The following SPECC1 variants were observed in gnomAD, a reference collection of about 807,000 sequenced individuals.
SPECC1 encodes cytospin-B.
A neutral mutation model predicts 104.1 loss-of-function variants in SPECC1; 62 were observed. The ratio of observed to expected loss-of-function variants is 0.60; its 90% CI spans 0.49 to 0.74. The LOEUF is 0.74. SPECC1 is among the 30% of genes least tolerant of loss of function. SPECC1 has a pLI of 0.00. For synonymous variants in SPECC1, 513 were observed against 501.6 expected, an observed-to-expected ratio of 1.02 and a Z score of -0.30; for missense variants, 1,306 against 1,310.5, an observed-to-expected ratio of 1.00 and a Z score of 0.05.
At chr17:20,020,107 A>G (rs1182160879) in intron 1 of SPECC1, among the ~76,000 whole-genome samples, 1 of 152,142 alleles carries the variant, frequency 6.6e-6, no homozygotes, top group African/African-American at 2.4e-5. Context: ...CATGCAGCTG[A>G]TTTTTATTCT....
chr17:20,223,687 A>T (rs1598021824), intron 4 of SPECC1, among the ~76,000 whole-genome samples: 1 of 151,980 alleles, frequency 6.6e-6, no homozygotes, highest in African/African-American at 2.4e-5. Flanking sequence ...AAAAAAAAAA[A>T]TTATTTCAAT....
chr17:20,197,898 A>G (rs2036143413), intron 3 of SPECC1, among the ~76,000 whole-genome samples: 1 of 152,114 alleles, frequency 6.6e-6, no homozygotes. Context: ...TTTTTGCATT[A>G]ATCAAAACAT....
chr17:20,030,913 T>C (rs1048747243), intron 1 of SPECC1, among the ~76,000 whole-genome samples: 2 of 152,226 alleles, frequency 1.3e-5, no homozygotes, highest in African/African-American at 2.4e-5. Flanking sequence ...TGTGCTCTCA[T>C]GAGCCTTGGT....
chr17:20,264,223 C>CATAT (rs1256118687), intron 12 of SPECC1, among the ~76,000 whole-genome samples: 2 of 151,882 alleles, frequency 1.3e-5, no homozygotes, highest in African/African-American at 4.8e-5. Flanking sequence ...TACATCCCTC[C>CATAT]ATATATATAT....
At chr17:20,032,398 A>G (rs2044852462) in intron 1 of SPECC1, among the ~76,000 whole-genome samples, 1 of 133,032 alleles carries the variant, frequency 7.5e-6, no homozygotes, top group Non-Finnish European at 1.5e-5. Flanking sequence ...CAGTATGCAT[A>G]TGTTAATGTG....
chr17:20,182,767 A>G (rs954254658), intron 3 of SPECC1, among the ~76,000 whole-genome samples: 1 of 152,192 alleles, frequency 6.6e-6, no homozygotes, highest in East Asian at 1.9e-4. Context: ...AAAGGGGTGA[A>G]GAAAGAGAGA....
intron 3 of SPECC1, among the ~76,000 whole-genome samples, chr17:20,160,731 G>A (rs551710522): frequency 5.3e-5 from 8 of 152,132 alleles, no homozygotes; most frequent in African/African-American, 1.9e-4. Context: ...CAATGAAATG[G>A]TAGTTACCTC....
At chr17:20,147,069 G>A (rs2031536467) in intron 3 of SPECC1, among the ~76,000 whole-genome samples, 1 of 150,256 alleles carries the variant, frequency 6.7e-6, no homozygotes, top group East Asian at 2.0e-4. Context: ...GTGCATAACA[G>A]TATGGATCGT....
rs562321207 is a variant in SPECC1, at chr17:20,096,719, G to A, written c.68G>A (p.Arg23Gln). The A allele has an allele frequency of 3.7e-5, 60 of 1,614,088 alleles. No individual in the cohort carries two copies. The highest frequency in any genetic ancestry group is 1.9e-4 in the South Asian group (17 of 91,088). ...RAGGHGPDRV[R>Q]PLPAASSGMK... The stretch of plus-strand genomic sequence containing the variant: ...GGGGGCCACGGCCCAGACCGGGTGC[G>A]GCCTCTGCCTGCAGCCTCTTCCGGC... The change falls in exon 2 of 15, where the codon CGG (arginine) becomes CAG (glutamine). Residue 23 changes from arginine to glutamine, a missense_variant. By Grantham distance (43) the Arg-to-Gln change is conservative. Around this residue, in one of 2 missense-constraint regions of SPECC1, gnomAD observed 1,177 missense variants for 1,139.9 expected, o/e 1.03. Transcript: ENST00000395527.
intron 3 of SPECC1, among the ~76,000 whole-genome samples, chr17:20,196,300 T>C (rs2036030531): frequency 6.6e-6 from 1 of 152,236 alleles, no homozygotes; most frequent in African/African-American, 2.4e-5. Flanking sequence ...GTGAAAACCC[T>C]GGTTAGTAAG....
intron 1 of SPECC1, among the ~76,000 whole-genome samples, chr17:20,037,884 A>G (rs1440344212): frequency 6.6e-6 from 1 of 152,172 alleles, no homozygotes; most frequent in African/African-American, 2.4e-5. Context: ...TATTTATAAA[A>G]TATTAAGTTT....
intron 2 of SPECC1, among the ~76,000 whole-genome samples, chr17:20,100,455 A>G (rs1481470432): frequency 6.6e-6 from 1 of 152,154 alleles, no homozygotes; most frequent in Non-Finnish European, 1.5e-5. Context: ...GGGAGGTTCT[A>G]CAGTAGTACA....
intron 3 of SPECC1, among the ~76,000 whole-genome samples, chr17:20,160,097 T>C (rs1188758603): frequency 1.3e-5 from 2 of 152,248 alleles, no homozygotes; most frequent in Non-Finnish European, 1.5e-5. Flanking sequence ...AAAAAGTTAA[T>C]GCAAATTACA....
chr17:20,298,948 A>AGAGAGAGAGTGTGTGTGTGTGTGTGTGT, intron 13 of SPECC1, among the ~76,000 whole-genome samples: 6 of 49,060 alleles, frequency 1.2e-4, no homozygotes, highest in Admixed American at 2.1e-4. Flanking sequence ...AGAGAGAGAG[A>AGAGAGAGAGTGTGTGTGTGTGTGTGTGT]GTGTGTGTGT....
At chr17:20,102,871 T>C (rs1375599616) in intron 2 of SPECC1, among the ~76,000 whole-genome samples, 2 of 152,352 alleles carry the variant, frequency 1.3e-5, no homozygotes, top group Middle Eastern at 3.4e-3. Flanking sequence ...GTTATCGTTA[T>C]AGTTGGTGTC....
At chr17:20,116,126 C>T (rs1457140304) in intron 3 of SPECC1, among the ~76,000 whole-genome samples, 1 of 151,546 alleles carries the variant, frequency 6.6e-6, no homozygotes, top group Non-Finnish European at 1.5e-5. Flanking sequence ...CTCGGTCTGT[C>T]GCCCAGGCTG....
intron 11 of SPECC1, among the ~76,000 whole-genome samples, chr17:20,259,431 CTTACG>C (rs981276536): frequency 4.6e-5 from 7 of 152,154 alleles, no homozygotes; most frequent in African/African-American, 1.4e-4. Context: ...CAATTTTACA[CTTACG>C]TTATTGACAT....
chr17:20,090,643 C>T (rs1438641921), intron 1 of SPECC1, among the ~76,000 whole-genome samples: 1 of 151,246 alleles, frequency 6.6e-6, no homozygotes, highest in African/African-American at 2.4e-5. Context: ...TTTCCTACTG[C>T]CTTGGCTCAT....
intron 3 of SPECC1, among the ~76,000 whole-genome samples, chr17:20,117,181 G>T (rs2048803302): frequency 1.3e-5 from 2 of 151,976 alleles, no homozygotes; most frequent in Non-Finnish European, 2.9e-5. Context: ...ATGTGACCGA[G>T]TAAGTATTTA....
Sources: gnomAD v4.1 joint callset for allele counts (sites outside exome capture counted in the v4.1 genomes callset) on GRCh38, gnomAD v4.1.1 for gene constraint, gnomAD v4.1.1 regional missense constraint, MANE v1.5 for transcripts, NCBI Gene and HGNC (gene_info 2026-07-23, HGNC 2026-07-21) for gene names.